The following IGSF21 variants were observed in gnomAD, a reference collection of about 807,000 sequenced individuals.
The protein encoded by IGSF21 is immunoglobulin superfamily member 21.
A neutral mutation model predicts 46.8 loss-of-function variants in IGSF21; 28 were observed. The observed-to-expected ratio is 0.60, with a 90% CI of 0.44 to 0.82. The LOEUF is 0.82. Ranked by LOEUF, IGSF21 falls within the 40% of genes least tolerant of loss-of-function variation. The probability of loss-of-function intolerance (pLI) is 0.00; values close to 1 mark genes in which losing one functional copy is unlikely to be tolerated. For synonymous variants in IGSF21, 284 were observed against 273.6 expected (o/e 1.04, Z -0.38); for missense variants, 624 against 665.5 (o/e 0.94, Z 0.69).
At chr1:18,116,869 A>T (rs2086193740) in intron 1 of IGSF21, among the ~76,000 whole-genome samples, 1 of 152,238 alleles carries the variant, frequency 6.6e-6, no homozygotes, top group African/African-American at 2.4e-5. Flanking sequence ...GAAACAGCAC[A>T]TGCAAAGGGC....
intron 1 of IGSF21, among the ~76,000 whole-genome samples, chr1:18,124,279 A>G (rs1282571592): frequency 1.3e-5 from 2 of 152,204 alleles, no homozygotes; most frequent in African/African-American, 4.8e-5. Context: ...CACTTGCTGT[A>G]CCCCAAGCAC....
intron 1 of IGSF21, among the ~76,000 whole-genome samples, chr1:18,219,165 G>A (rs1344703216): frequency 6.6e-6 from 1 of 152,216 alleles, no homozygotes; most frequent in Non-Finnish European, 1.5e-5. Context: ...GTCTAAGAAG[G>A]AGTAAAGCAG....
intron 1 of IGSF21, among the ~76,000 whole-genome samples, chr1:18,185,054 T>C (rs776435109): frequency 2.0e-5 from 3 of 152,158 alleles, no homozygotes; most frequent in Non-Finnish European, 2.9e-5. Flanking sequence ...TGAATGTTGG[T>C]TGTTGTAAGT....
chr1:18,156,813 C>T (rs928756681), intron 1 of IGSF21, among the ~76,000 whole-genome samples: 51 of 152,278 alleles, frequency 3.3e-4, no homozygotes, highest in South Asian at 2.1e-4. Context: ...GAAGTGAGAG[C>T]GGACAGTGGG....
rs10557379 is a variant in IGSF21 at position 18,187,220 on chromosome 1, CAGAGAG to C, written c.71-40660_71-40655del. ...TCTGAATATGGCAGAGAGAGAGATACAGAGAGAGAGAGAGAGAGAGAGAAAGAGCGA... is the reference window on the plus strand; with the variant it reads ...TCTGAATATGGCAGAGAGAGAGATACAGAGAGAGAGAGAGAGAAAGAGCGA... On this transcript the variant is annotated intron_variant, in intron 1 of 9. Transcript: ENST00000251296. 1.9e-3 allele frequency among the ~76,000 whole-genome samples: 281 copies of C among 149,256 alleles called. 1 individual carries two copies. Among genetic ancestry groups the C allele is most frequent in the African/African-American group, 4.6e-3 (187 of 40,914 alleles).
chr1:18,316,166 G>T (rs1367402128), intron 3 of IGSF21, among the ~76,000 whole-genome samples: 1 of 152,154 alleles, frequency 6.6e-6, no homozygotes, highest in African/African-American at 2.4e-5. Flanking sequence ...CATTCACAGG[G>T]CCTGGGCTTT....
intron 2 of IGSF21, among the ~76,000 whole-genome samples, chr1:18,285,062 C>T (rs1392760451): frequency 2.0e-4 from 30 of 152,170 alleles, no homozygotes. Context: ...ACTTTCCAGC[C>T]GTGGCGGGAT....
intron 1 of IGSF21, among the ~76,000 whole-genome samples, chr1:18,145,156 G>A (rs9730142): frequency 0.19 from 28,858 of 152,000 alleles, 2,845 homozygotes; most frequent in African/African-American, 0.22. Context: ...TTTTCTGTGC[G>A]TGGGGACAGG....
In IGSF21 at chr1:18,306,041, C is replaced by A. The variant is rs539510604; in HGVS notation, c.305+14054C>A. 2.0e-5 allele frequency among the ~76,000 whole-genome samples: 3 copies of A among 152,308 alleles called. No individual in the cohort carries two copies. In the South Asian group the frequency reaches 6.2e-4, roughly 32 times the overall value. The stretch of plus-strand genomic sequence containing the variant: ...TCTTGCCACCTGAGTTTCTTCTACA[C>A]CCACCCAGCAGCCAGAGTGAGCTTT... On this transcript the variant is annotated intron_variant, in intron 3 of 9. Transcript: ENST00000251296.
intron 2 of IGSF21, among the ~76,000 whole-genome samples, chr1:18,283,201 G>A (rs936172847): frequency 3.9e-5 from 6 of 152,202 alleles, no homozygotes; most frequent in African/African-American, 1.2e-4. Context: ...GTAACCGGAT[G>A]AGACAGGCAA....
chr1:18,341,684 A>T (rs12027435), intron 4 of IGSF21, among the ~76,000 whole-genome samples: 51,457 of 152,118 alleles, frequency 0.34, 10,275 homozygotes, highest in Non-Finnish European at 0.44. Context: ...TCACCCAGCC[A>T]GTGTGTGGCA....
intron 6 of IGSF21, among the ~76,000 whole-genome samples, chr1:18,370,156 G>A (rs553379696): frequency 3.3e-5 from 5 of 152,070 alleles, no homozygotes; most frequent in East Asian, 1.9e-4. Context: ...CAAACTGATC[G>A]TTCTGCTTCC....
intron 2 of IGSF21, among the ~76,000 whole-genome samples, chr1:18,244,593 C>T (rs2084766630): frequency 6.6e-6 from 1 of 152,214 alleles, no homozygotes; most frequent in Non-Finnish European, 1.5e-5. Flanking sequence ...TACGTAGAGC[C>T]TGTTGCTTCA....
rs147575533 is a variant in IGSF21, at chr1:18,277,168, C to T, written c.184-14698C>T. Among the ~76,000 whole-genome samples the T allele has an allele frequency of 1.1e-4, 17 of 152,322 alleles. No homozygotes were observed. In the East Asian group the frequency reaches 1.4e-3, roughly 12 times the overall value. On this transcript the variant is annotated intron_variant, in intron 2 of 9. Transcript: ENST00000251296. Reference sequence around the variant, plus strand: ...CAAAGAAAAGATGTCACCCCTGCATCGTGCAGGACAAAGGCTGGGGTCACC... The same window carrying T: ...CAAAGAAAAGATGTCACCCCTGCATTGTGCAGGACAAAGGCTGGGGTCACC...
intron 3 of IGSF21, among the ~76,000 whole-genome samples, chr1:18,305,503 T>TGGAC (rs2085414431): frequency 7.4e-6 from 1 of 135,742 alleles, no homozygotes; most frequent in Non-Finnish European, 1.5e-5. Context: ...GATGGATGGA[T>TGGAC]GGATGGATGA....
At position 18,291,911 on chromosome 1, in the gene IGSF21, G is replaced by A. The variant is rs1361344677; in HGVS notation, c.229G>A (p.Ala77Thr). The change falls in exon 3 of 10, where the codon GCC (alanine) becomes ACC (threonine). Residue 77 changes from alanine (A) to threonine (T), a missense_variant. Transcript: ENST00000251296. ...CAAGCAAAAGATCTTCACCTTCGAC[G>A]CCATGTTCTCCACCAACTACTCACA... is the stretch of plus-strand genomic sequence containing the variant. ...TIKQKIFTFD[A>T]MFSTNYSHME... 5.6e-6 allele frequency: 9 copies of A among 1,614,000 alleles called. No homozygotes were observed. The highest frequency in any genetic ancestry group is 2.2e-5 in the East Asian group (1 of 44,860).
At chr1:18,203,708 A>C (rs2087099723) in intron 1 of IGSF21, among the ~76,000 whole-genome samples, 1 of 152,186 alleles carries the variant, frequency 6.6e-6, no homozygotes. Context: ...AGAGTCTGCT[A>C]TGAAGGGGAA....
At chr1:18,124,457 C>T (rs1425892428) in intron 1 of IGSF21, among the ~76,000 whole-genome samples, 1 of 152,192 alleles carries the variant, frequency 6.6e-6, no homozygotes, top group Non-Finnish European at 1.5e-5. Context: ...GAGTTTTGAA[C>T]CCATTTGGCC....
chr1:18,128,960 G>C (rs545265976), intron 1 of IGSF21, among the ~76,000 whole-genome samples: 2 of 152,300 alleles, frequency 1.3e-5, no homozygotes, highest in Admixed American at 6.5e-5. Context: ...GGAGCCCACA[G>C]AGTATTGATG....
Sources: gnomAD v4.1 joint callset for allele counts (sites outside exome capture counted in the v4.1 genomes callset) on GRCh38, gnomAD v4.1.1 for gene constraint, MANE v1.5 for transcripts, NCBI Gene and HGNC (gene_info 2026-07-23, HGNC 2026-07-21) for gene names.